Variants in GYS2 observed in about 807,000 individuals in gnomAD.
The protein encoded by GYS2 is glycogen [starch] synthase, liver.
Under a neutral mutation model 85.6 loss-of-function variants are expected in GYS2, and 80 were observed. The ratio of observed to expected loss-of-function variants is 0.93; its 90% CI spans 0.78 to 1.13. The LOEUF is 1.13. Among genes scored for constraint, GYS2 ranks in the 50% most tolerant of loss-of-function variants. GYS2 has a pLI of 0.00. For missense variants in GYS2, 881 were observed against 854.9 expected, an observed-to-expected ratio of 1.03 and a Z score of -0.38; for synonymous variants, 328 against 300.7, an observed-to-expected ratio of 1.09 and a Z score of -0.94.
chr12:21,556,075 C>T (rs1482407151), intron 11 of GYS2, among the ~76,000 whole-genome samples: 1 of 152,198 alleles, frequency 6.6e-6, no homozygotes, highest in Non-Finnish European at 1.5e-5. Flanking sequence ...TTATTTTCTG[C>T]TCTTTCTTTC....
At chr12:21,560,346 A>G (rs375121240) in intron 8 of GYS2, 40 bp downstream of exon 8, 4 of 1,081,374 alleles carry the variant, frequency 3.7e-6, no homozygotes, top group Non-Finnish European at 5.8e-6. Flanking sequence ...AAATCTTTTC[A>G]CATTTATTGC....
chr12:21,562,880 C>T (rs752968806), intron 7 of GYS2, 38 bp downstream of exon 7: 2 of 1,610,258 alleles, frequency 1.2e-6, no homozygotes, highest in Non-Finnish European at 1.7e-6. Flanking sequence ...AAAGTTCTCC[C>T]TACAAGAGTG....
intron 1 of GYS2, among the ~76,000 whole-genome samples, chr12:21,598,560 A>T (rs763353712): frequency 6.6e-6 from 1 of 151,940 alleles, no homozygotes; most frequent in Non-Finnish European, 1.5e-5. Context: ...AGTTTTTACT[A>T]TTTATAAAGC....
intron 9 of GYS2, 76 bp from the exon 10 acceptor site, chr12:21,559,245 A>G (rs895202104): frequency 3.0e-5 from 21 of 693,186 alleles, no homozygotes; most frequent in African/African-American, 2.9e-4. Flanking sequence ...ATCAGATTAT[A>G]TATTATATAT....
chr12:21,576,182 A>G (rs1944445103), intron 2 of GYS2, 125 bp from the exon 3 acceptor site: 1 of 769,298 alleles, frequency 1.3e-6, no homozygotes, highest in South Asian at 1.5e-5. Context: ...CTACTTAGAA[A>G]AGAATATTGA....
At chr12:21,535,429 C>T (rs990535512), downstream of GYS2, among the ~76,000 whole-genome samples, 3 of 152,196 alleles carry the variant, frequency 2.0e-5, no homozygotes, top group Non-Finnish European at 4.4e-5. Context: ...CAGTACAGAG[C>T]ATTTCAAACT....
rs1427800974 is a variant in GYS2, at chr12:21,563,280, G to A, written c.889C>T (p.His297Tyr). ...TGGATTCTGGCCTTGTACATGGCAT[G>A]TAGATTTTGAAACTCATGCACTGCT... is the stretch of plus-strand genomic sequence containing the variant. ...FSAVHEFQNLHAMYKARIQDF... is the reference protein window; with the variant it reads ...FSAVHEFQNLYAMYKARIQDF... Residue 297 changes from histidine to tyrosine, a missense_variant, in exon 6 of 16, where the codon CAT becomes TAT. By Grantham distance (83) the His-to-Tyr change is moderately conservative (BLOSUM62 2). Coordinates refer to ENST00000261195, the MANE Select transcript of GYS2 (RefSeq NM_021957.4). 9.3e-6 allele frequency: 15 copies of A among 1,612,678 alleles called. No individual in the cohort carries two copies. The highest frequency in any genetic ancestry group is 1.3e-5 in the Non-Finnish European group (15 of 1,178,780).
rs1284725498 is a variant in GYS2 at position 21,536,774 on chromosome 12, C to T, written c.*180G>A. 1 of 615,636 alleles carries T rather than the reference C, an allele frequency of 1.6e-6. No individual in the cohort carries two copies. Among genetic ancestry groups the T allele is most frequent in the East Asian group, 2.8e-5 (1 of 36,184 alleles). 38.1% of individuals were successfully genotyped at this position (615,636 alleles called of 1,614,324 possible). On this transcript the variant is annotated 3_prime_UTR_variant, in exon 16 of 16. Transcript: ENST00000261195. ...GGGAAACAAGAGTTGGGGAAAATAA[C>T]TTGGATCTTATCCTAAATTACAAAA...
chr12:21,580,382 A>G lies in GYS2; in HGVS notation c.263T>C (p.Val88Ala). 6.2e-7 allele frequency: 1 copy of G among 1,613,914 alleles called. No homozygotes were observed. Among genetic ancestry groups the G allele is most frequent in the Non-Finnish European group, 8.5e-7 (1 of 1,179,896 alleles). ...ATTCATTGCGTCCACTGCTCTTCTG[A>G]CAGCATCATTTACAGGTTCACACTG... is the stretch of plus-strand genomic sequence containing the variant. The part of the protein sequence containing the change: ...VEQCEPVNDA[V>A]RRAVDAMNKH... Residue 88 changes from valine (V) to alanine (A), a missense_variant, in exon 2 of 16, where the codon GTC (valine) becomes GCC (alanine). By Grantham distance (64) the Val-to-Ala change is moderately conservative. Coordinates refer to ENST00000261195, the MANE Select transcript of GYS2 (RefSeq NM_021957.4).
chr12:21,557,829 G>A (rs957345703), intron 11 of GYS2, among the ~76,000 whole-genome samples: 1 of 152,066 alleles, frequency 6.6e-6, no homozygotes. Context: ...GACCCGGGAG[G>A]CGGAGCTTGC....
chr12:21,566,639 A>G (rs956804673), intron 5 of GYS2, among the ~76,000 whole-genome samples: 11 of 152,298 alleles, frequency 7.2e-5, no homozygotes, highest in African/African-American at 2.6e-4. Flanking sequence ...AAATCTTTAC[A>G]ATGTACCAGG....
intron 11 of GYS2, among the ~76,000 whole-genome samples, chr12:21,556,361 G>C (rs1348752697): frequency 6.6e-6 from 1 of 152,082 alleles, no homozygotes; most frequent in East Asian, 1.9e-4. Context: ...TGTAGAGACA[G>C]GGTTTCACCA....
chr12:21,540,455 T>C lies in GYS2; in HGVS notation c.1764A>G (p.Arg588=). ...CCAGAAGATCTGAGAGCCTCTCAGTTCTGTTCCTCTGGATAATCCTTTGGC... is the reference window on the plus strand; with the variant it reads ...CCAGAAGATCTGAGAGCCTCTCAGTCCTGTTCCTCTGGATAATCCTTTGGC... The part of the protein sequence containing the change: ...SRRQRIIQRN[R]TERLSDLLDW... The change falls in exon 14 of 16, where the codon AGA becomes AGG. Residue 588 remains arginine, a synonymous_variant. Transcript: ENST00000261195. The C allele has an allele frequency of 3.7e-6, 6 of 1,614,130 alleles. No homozygotes were observed. Among genetic ancestry groups the C allele is most frequent in the Non-Finnish European group, 5.1e-6 (6 of 1,179,990 alleles).
chr12:21,567,372 A>C (rs1436017045), intron 5 of GYS2, among the ~76,000 whole-genome samples: 1 of 152,116 alleles, frequency 6.6e-6, no homozygotes, highest in Admixed American at 6.5e-5. Context: ...AAAAAGGAAG[A>C]TCCAAGAGAG....
chr12:21,548,373 A>T (rs1430295587), intron 11 of GYS2, among the ~76,000 whole-genome samples: 1 of 152,198 alleles, frequency 6.6e-6, no homozygotes, highest in Admixed American at 6.5e-5. Context: ...TGCCGAATTC[A>T]GAGACAGGGA....
At chr12:21,539,971 T>C (rs1943953137) in intron 14 of GYS2, among the ~76,000 whole-genome samples, 1 of 152,228 alleles carries the variant, frequency 6.6e-6, no homozygotes, top group African/African-American at 2.4e-5. Context: ...ACCTATTGCA[T>C]GATTGAAAGG....
intron 8 of GYS2, 36 bp downstream of exon 8, chr12:21,560,350 T>A (rs891965928): frequency 8.2e-6 from 9 of 1,101,820 alleles, no homozygotes; most frequent in Middle Eastern, 2.0e-4. Context: ...CTTTTCACAT[T>A]TATTGCTAGA....
chr12:21,565,941 A>G (rs760616943), intron 5 of GYS2, among the ~76,000 whole-genome samples: 1 of 152,160 alleles, frequency 6.6e-6, no homozygotes, highest in African/African-American at 2.4e-5. Flanking sequence ...TTGCAACACT[A>G]TTAATGACTA....
chr12:21,533,544 A>G (rs553783061), downstream of GYS2, among the ~76,000 whole-genome samples: 4 of 152,308 alleles, frequency 2.6e-5, no homozygotes, highest in South Asian at 8.3e-4. Context: ...ACTGTGTGAA[A>G]TGGGCCATTT....
Sources: gnomAD v4.1 joint callset for allele counts (sites outside exome capture counted in the v4.1 genomes callset) on GRCh38, gnomAD v4.1.1 for gene constraint, MANE v1.5 for transcripts, NCBI Gene and HGNC (gene_info 2026-07-23, HGNC 2026-07-21) for gene names.